Variants in CHMP5 observed in about 807,000 individuals in gnomAD.
The protein encoded by CHMP5 is charged multivesicular body protein 5, also known as SNF7 domain containing 2.
In CHMP5, 17 loss-of-function variants were observed where a neutral mutation model predicts 33.0. The observed-to-expected ratio is 0.52, with a 90% confidence interval of 0.35 to 0.77. The LOEUF is 0.77. Ranked by LOEUF, CHMP5 falls within the 30% of genes least tolerant of loss-of-function variation. The pLI is 0.01. For missense variants in CHMP5, 216 were observed against 261.5 expected (o/e 0.83, Z 1.20); for synonymous variants, 76 against 90.2 (o/e 0.84, Z 0.89).
chr9:33,270,994 A>G (rs548933700), intron 4 of CHMP5, among the ~76,000 whole-genome samples, 158 bp from the exon 5 acceptor site: 1 of 152,262 alleles, frequency 6.6e-6, no homozygotes, highest in South Asian at 2.1e-4. Flanking sequence ...AGGCAGGAGA[A>G]TCACTTGAAC....
rs909039024 is a variant in CHMP5, at chr9:33,267,942, A to G, written c.221+43A>G. 3.7e-6 allele frequency: 5 copies of G among 1,345,382 alleles called. No homozygotes were observed. The African/African-American group carries it at 4.3e-5, about 12-fold the overall frequency. 83.3% of individuals were successfully genotyped at this position (1,345,382 alleles called of 1,614,324 possible). On this transcript the variant is annotated intron_variant, in intron 3 of 7. Coordinates refer to ENST00000223500, the MANE Select transcript of CHMP5 (RefSeq NM_016410.6). ...TTTCTACCTCTAGCAGGTTTAACTA[A>G]AAGAGAAATGGTCTTCCATTCCTTC...
chr9:33,276,883 C>T (rs1646861217), intron 6 of CHMP5, among the ~76,000 whole-genome samples: 2 of 152,064 alleles, frequency 1.3e-5, no homozygotes, highest in African/African-American at 2.4e-5. Flanking sequence ...AGTTGGAGTC[C>T]TCTCCCTCAG....
chr9:33,276,665 T>A, intron 6 of CHMP5, 101 bp downstream of exon 6: 2 of 680,052 alleles, frequency 2.9e-6, no homozygotes, highest in Non-Finnish European at 5.2e-6. Flanking sequence ...CTATCAGGAT[T>A]TCCTGAAGGT....
Position 33,266,043 on chromosome 9 carries a change from A to T in CHMP5, c.103A>T (p.Ile35Phe). 1 of 1,613,406 alleles carries T rather than the reference A, an allele frequency of 6.2e-7. No homozygotes were observed. The highest frequency in any genetic ancestry group is 1.1e-5 in the South Asian group (1 of 91,074). ...TAGAGCAGAATCCATTGACAAGAAG[A>T]TTTCTCGATTGGATGCTGAGCTAGT... The part of the protein sequence containing the change: ...DSRAESIDKK[I>F]SRLDAELVKY... Residue 35 changes from isoleucine to phenylalanine, a missense_variant, in exon 2 of 8, where the codon ATT becomes TTT. By Grantham distance (21) the Ile-to-Phe change is conservative. Coordinates refer to ENST00000223500, the MANE Select transcript of CHMP5 (RefSeq NM_016410.6).
At chr9:33,273,990 G>T (rs1239107025) in intron 5 of CHMP5, among the ~76,000 whole-genome samples, 1 of 151,592 alleles carries the variant, frequency 6.6e-6, no homozygotes, top group East Asian at 1.9e-4. Context: ...TGGCAGTTTG[G>T]TACTTGGAAA....
At chr9:33,280,299 G>A (rs1471551278) in intron 7 of CHMP5, among the ~76,000 whole-genome samples, 1 of 152,146 alleles carries the variant, frequency 6.6e-6, no homozygotes. Context: ...TAAAGTAAAG[G>A]AATAAAAGAA....
chr9:33,278,950 G>C (rs1041029573), intron 7 of CHMP5, among the ~76,000 whole-genome samples: 4 of 151,872 alleles, frequency 2.6e-5, no homozygotes, highest in Admixed American at 2.6e-4. Flanking sequence ...TTGAGACAGA[G>C]ACTCATTCTG....
At chr9:33,267,179 G>T (rs1820737535) in intron 2 of CHMP5, among the ~76,000 whole-genome samples, 1 of 152,160 alleles carries the variant, frequency 6.6e-6, no homozygotes, top group Non-Finnish European at 1.5e-5. Flanking sequence ...CACTGGAGAA[G>T]ACAAATAAAA....
intron 5 of CHMP5, among the ~76,000 whole-genome samples, chr9:33,275,239 T>C (rs1214821508): frequency 6.6e-6 from 1 of 152,210 alleles, no homozygotes; most frequent in Non-Finnish European, 1.5e-5. Context: ...GACTTGGGTG[T>C]GGGCAGATTT....
intron 7 of CHMP5, among the ~76,000 whole-genome samples, chr9:33,278,839 C>T (rs755217460): frequency 6.6e-6 from 1 of 152,116 alleles, no homozygotes; most frequent in African/African-American, 2.4e-5. Flanking sequence ...CAGATAATTA[C>T]AAGTATCTCA....
rs1820921660 is a variant in CHMP5, at chr9:33,281,422, A to T, written c.*563A>T. The T allele has an allele frequency of 6.5e-6, 1 of 152,672 alleles. No homozygotes were observed. The highest frequency in any genetic ancestry group is 2.4e-5 in the African/African-American group (1 of 41,446). 9.5% of individuals were successfully genotyped at this position (152,672 alleles called of 1,614,324 possible). A position where few individuals can be genotyped will look rare whatever the true frequency, so the allele number is the denominator to read the frequency against. On this transcript the variant is annotated 3_prime_UTR_variant, in exon 8 of 8. Coordinates refer to ENST00000223500, the MANE Select transcript of CHMP5 (RefSeq NM_016410.6). ...ATTTTGATTCTATGGTTCCCTCAGT[A>T]TTACATCTTGACTTGTAATCAATTA...
Position 33,278,284 on chromosome 9 carries a change from A to G in CHMP5, c.609+59A>G, listed in dbSNP as rs117174222. 3,738 of 1,012,174 alleles carry G rather than the reference A, an allele frequency of 3.7e-3. 86 individuals are homozygous for G. In the East Asian group the frequency reaches 0.041, roughly 11 times the overall value. The allele number at this position is 1,012,174 out of a possible 1,614,324, so 62.7% of individuals were successfully genotyped here. On this transcript the variant is annotated intron_variant, in intron 7 of 7. Coordinates refer to ENST00000223500, the MANE Select transcript of CHMP5 (RefSeq NM_016410.6). ...AATAGCAAAGGCTTTATGCTTGACC[A>G]TAAGTCTGGGAATCTAAAAGGTAGT... is the stretch of plus-strand genomic sequence containing the variant.
chr9:33,271,477 G>A (rs749758748), intron 5 of CHMP5, among the ~76,000 whole-genome samples: 1 of 152,168 alleles, frequency 6.6e-6, no homozygotes, highest in Non-Finnish European at 1.5e-5. Flanking sequence ...ATGATGGTGC[G>A]AAAACTATAT....
intron 1 of CHMP5, among the ~76,000 whole-genome samples, chr9:33,265,414 G>A (rs576644101): frequency 6.6e-6 from 1 of 152,012 alleles, no homozygotes; most frequent in South Asian, 2.1e-4. Flanking sequence ...ACTCGCTCTC[G>A]CCTTGATCCT....
chr9:33,279,971 G>T (rs2118056783), intron 7 of CHMP5, among the ~76,000 whole-genome samples: 1 of 151,270 alleles, frequency 6.6e-6, no homozygotes, highest in East Asian at 1.9e-4. Context: ...TGGGGGTTTT[G>T]TTGTTGTTGT....
At chr9:33,276,830 TTCC>T (rs980208970) in intron 6 of CHMP5, among the ~76,000 whole-genome samples, 3 of 152,176 alleles carry the variant, frequency 2.0e-5, no homozygotes, top group Non-Finnish European at 4.4e-5. Context: ...CACGTGGCCT[TTCC>T]TTGCTGTATT....
Position 33,279,386 on chromosome 9 carries a change from C to T in CHMP5, c.609+1161C>T, listed in dbSNP as rs564687778. Among the ~76,000 whole-genome samples, 5 of 152,230 alleles carry T rather than the reference C, an allele frequency of 3.3e-5. No individual in the cohort carries two copies. The South Asian group carries it at 1.0e-3, about 32-fold the overall frequency. ...CTGGTTTCTGTGAGTATGCATCTTC[C>T]TCTATTGTATCCTTCCCTTCTCTGT... On this transcript the variant is annotated intron_variant, in intron 7 of 7. Transcript: ENST00000223500.
In CHMP5 at chr9:33,271,197, A is replaced by C; in HGVS notation, c.361A>C (p.Lys121Gln). ...LGVKEMKKAY[K>Q]QVKIDQIEDL... is the part of the protein sequence containing the mutation. ...AGTAAAGGAAATGAAGAAGGCATAC[A>C]AGCAAGTGAAGATCGACCAGATTGA... The change falls in exon 5 of 8, where the codon AAG becomes CAG. Residue 121 changes from lysine (K) to glutamine (Q), a missense_variant. By Grantham distance (53) the Lys-to-Gln change is moderately conservative (BLOSUM62 1). Coordinates refer to ENST00000223500, the MANE Select transcript of CHMP5 (RefSeq NM_016410.6). 1 of 1,613,946 alleles carries C rather than the reference A, an allele frequency of 6.2e-7. No homozygotes were observed. The highest frequency in any genetic ancestry group is 8.5e-7 in the Non-Finnish European group (1 of 1,179,802).
chr9:33,280,814 A>C lies in CHMP5; in HGVS notation c.615A>C (p.Gly205=), dbSNP rs200709734. 22 of 1,610,904 alleles carry C rather than the reference A, an allele frequency of 1.4e-5. No homozygotes were observed. The East Asian group carries it at 2.9e-4, about 21-fold the overall frequency. The change falls in exon 8 of 8, where the codon GGA becomes GGC. Residue 205 remains glycine, a synonymous_variant. Coordinates refer to ENST00000223500, the MANE Select transcript of CHMP5 (RefSeq NM_016410.6). ...ACATTGCTTCCTTTTTACAGGATGG[A>C]GTTCTGGTGGATGAATTTGGATTGC... is the stretch of plus-strand genomic sequence containing the variant. The part of the protein sequence containing the change: ...GVPTDTKNKD[G]VLVDEFGLPQ...
Sources: allele counts gnomAD v4.1 joint callset (sites outside exome capture counted in the v4.1 genomes callset), GRCh38; gene constraint gnomAD v4.1.1; transcripts MANE v1.5; gene names NCBI Gene and HGNC (gene_info 2026-07-23, HGNC 2026-07-21).